The following ELOVL6 variants were observed in gnomAD, a reference collection of about 807,000 sequenced individuals.
ELOVL6 encodes ELOVL fatty acid elongase 6.
In ELOVL6, 8 loss-of-function variants were observed where a neutral mutation model predicts 31.7. The ratio of observed to expected loss-of-function variants is 0.25; its 90% CI spans 0.15 to 0.45. The LOEUF (loss-of-function observed/expected upper bound fraction) is 0.45. ELOVL6 is among the 20% of genes least tolerant of loss of function. The pLI is 1.00. For missense variants in ELOVL6, 126 were observed against 326.4 expected (o/e 0.39, Z 4.73); for synonymous variants, 101 against 117.7 (o/e 0.86, Z 0.92).
intron 1 of ELOVL6, among the ~76,000 whole-genome samples, chr4:110,153,556 T>G (rs533259164): frequency 6.6e-6 from 1 of 152,140 alleles, no homozygotes; most frequent in East Asian, 1.9e-4. Context: ...AAATGCCATG[T>G]AAAAAAAATT....
chr4:110,193,654 TA>T (rs1456314027), intron 1 of ELOVL6, among the ~76,000 whole-genome samples: 2 of 152,136 alleles, frequency 1.3e-5, no homozygotes, highest in Admixed American at 1.3e-4. Flanking sequence ...TTACCTTTGG[TA>T]AAAACAAATT....
intron 1 of ELOVL6, among the ~76,000 whole-genome samples, chr4:110,189,333 T>C (rs953113924): frequency 6.6e-6 from 1 of 151,794 alleles, no homozygotes; most frequent in Non-Finnish European, 1.5e-5. Flanking sequence ...ACGCCTGTAG[T>C]CCCAAAACTT....
At chr4:110,090,600 CTTTTT>C (rs544234717) in intron 2 of ELOVL6, among the ~76,000 whole-genome samples, 3 of 103,720 alleles carry the variant, frequency 2.9e-5, no homozygotes, top group South Asian at 3.3e-4. Flanking sequence ...GTTTGACTTT[CTTTTT>C]TTTTTTTTTT....
rs1560813736 is a variant in ELOVL6 at position 110,084,048 on chromosome 4, GCTATATATGATATATAACATAT to G, written c.221+21427_221+21448del. ...ATGCCATATATGGTATATAACACAT[GCTATATATGATATATAACATAT>G]ATATGCTATATATGATATATAACAT... On this transcript the variant is annotated intron_variant, in intron 2 of 3. Coordinates refer to ENST00000302274, the MANE Select transcript of ELOVL6 (RefSeq NM_024090.3). Among the ~76,000 whole-genome samples the G allele has an allele frequency of 2.2e-4, 9 of 40,382 alleles. 1 individual carries two copies. Among genetic ancestry groups the G allele is most frequent in the East Asian group, 1.9e-3 (2 of 1,052 alleles). 26.5% of individuals were successfully genotyped at this position (40,382 alleles called of 152,430 possible).
chr4:110,173,670 A>AAATAATAATAATAAT (rs148753272), intron 1 of ELOVL6, among the ~76,000 whole-genome samples: 22 of 140,948 alleles, frequency 1.6e-4, no homozygotes, highest in African/African-American at 5.7e-4. Context: ...AGGTAAAGGA[A>AAATAATAATAATAAT]AATAATAATA....
intron 1 of ELOVL6, among the ~76,000 whole-genome samples, chr4:110,163,825 T>C (rs2035415): frequency 0.44 from 67,157 of 152,052 alleles, 16,052 homozygotes; most frequent in East Asian, 0.62. Context: ...AAGATACTTA[T>C]AGAGCAATGG....
chr4:110,119,308 G>C (rs1283739027), intron 1 of ELOVL6, among the ~76,000 whole-genome samples: 1 of 146,366 alleles, frequency 6.8e-6, no homozygotes, highest in African/African-American at 2.5e-5. Context: ...AAGAAAGAAA[G>C]AAAAAAAAAG....
intron 1 of ELOVL6, among the ~76,000 whole-genome samples, chr4:110,174,000 T>A (rs896271603): frequency 6.6e-6 from 1 of 151,378 alleles, no homozygotes; most frequent in South Asian, 2.1e-4. Context: ...GTTAAAAAAA[T>A]AAAAATATAA....
intron 2 of ELOVL6, 65 bp from the exon 3 acceptor site, chr4:110,059,819 T>C (rs1755090306): frequency 1.4e-6 from 2 of 1,457,916 alleles, no homozygotes; most frequent in Non-Finnish European, 1.9e-6. Context: ...ACATCAACCA[T>C]ACTTAGAAGA....
In ELOVL6 at chr4:110,051,096, G is replaced by T. The variant is rs1035861588; in HGVS notation, c.*242C>A. 2 of 517,002 alleles carry T rather than the reference G, an allele frequency of 3.9e-6. No individual in the cohort carries two copies. The highest frequency in any genetic ancestry group is 1.9e-5 in the African/African-American group (1 of 52,292). The allele number at this position is 517,002 out of a possible 1,614,324, so 32.0% of individuals were successfully genotyped here. A position where few individuals can be genotyped will look rare whatever the true frequency, so the allele number is the denominator to read the frequency against. The stretch of plus-strand genomic sequence containing the variant: ...GTCCTAGAGTTGATAGATAAAGAGG[G>T]AATGGGGTCTTCCAGCAGCAGTGCT... On this transcript the variant is annotated 3_prime_UTR_variant, in exon 4 of 4. Transcript: ENST00000302274. This position sits in a 1 kb window ranked among gnomAD's most constrained non-coding sequence, Gnocchi z 4.8.
At chr4:110,147,925 G>T (rs1319308008) in intron 1 of ELOVL6, among the ~76,000 whole-genome samples, 1 of 152,096 alleles carries the variant, frequency 6.6e-6, no homozygotes, top group Non-Finnish European at 1.5e-5. Flanking sequence ...GGCCAGCCTG[G>T]CCAACATGGT....
chr4:110,081,812 C>T (rs1020802408), intron 2 of ELOVL6, among the ~76,000 whole-genome samples: 6 of 146,932 alleles, frequency 4.1e-5, no homozygotes, highest in Non-Finnish European at 9.1e-5. Context: ...AGGCAACCTA[C>T]AAAATGGGAG....
chr4:110,191,719 G>C (rs1052186262), intron 1 of ELOVL6, among the ~76,000 whole-genome samples: 2 of 152,068 alleles, frequency 1.3e-5, no homozygotes, highest in Admixed American at 6.6e-5. Context: ...CCGGGCACCT[G>C]TAATCCCACC....
intron 1 of ELOVL6, among the ~76,000 whole-genome samples, chr4:110,106,691 T>C (rs1756900756): frequency 6.6e-6 from 1 of 152,162 alleles, no homozygotes; most frequent in African/African-American, 2.4e-5. Context: ...AGCAGGGTCT[T>C]TGTGACCCGT....
chr4:110,197,898 G>T, intron 1 of ELOVL6: 1 of 305,682 alleles, frequency 3.3e-6, no homozygotes, highest in South Asian at 4.4e-5. Flanking sequence ...ATGAAAACCG[G>T]GGGAGGGGAG....
At chr4:110,178,319 G>A (rs1235781965) in intron 1 of ELOVL6, among the ~76,000 whole-genome samples, 1 of 152,096 alleles carries the variant, frequency 6.6e-6, no homozygotes, top group Non-Finnish European at 1.5e-5. Context: ...AGGCCAAGGT[G>A]GGCGGATCTT....
intron 1 of ELOVL6, among the ~76,000 whole-genome samples, chr4:110,158,319 C>T (rs1758513357): frequency 1.3e-5 from 2 of 152,008 alleles, no homozygotes; most frequent in African/African-American, 2.4e-5. Context: ...CAATAAACCC[C>T]ATTTTGAAGA....
chr4:110,170,595 A>G (rs1758915788), intron 1 of ELOVL6, among the ~76,000 whole-genome samples: 2 of 152,144 alleles, frequency 1.3e-5, no homozygotes. Context: ...ACTTGGTCCT[A>G]CCTTTCTTAC....
intron 1 of ELOVL6, among the ~76,000 whole-genome samples, chr4:110,194,513 C>T (rs1759715792): frequency 1.3e-5 from 2 of 152,180 alleles, no homozygotes; most frequent in Admixed American, 1.3e-4. Flanking sequence ...TAAAAAAAGT[C>T]TGCAGTATTT....
Sources: allele counts gnomAD v4.1 joint callset (sites outside exome capture counted in the v4.1 genomes callset), GRCh38; gene constraint gnomAD v4.1.1; non-coding constraint Gnocchi (gnomAD v3.1); transcripts MANE v1.5; gene names NCBI Gene and HGNC (gene_info 2026-07-23, HGNC 2026-07-21).